RBFOX1: variants seen among roughly 807,000 people sequenced by gnomAD.
RBFOX1 encodes the protein RNA binding protein fox-1 homolog 1.
RBFOX1 carries 8 observed loss-of-function variants against 57.7 expected under a neutral mutation model. The observed-to-expected ratio is 0.14, with a 90% CI of 0.08 to 0.25. The LOEUF (loss-of-function observed/expected upper bound fraction) is 0.25, where lower values mean the gene tolerates loss of function less well. Ranked by LOEUF, RBFOX1 falls within the 10% of genes least tolerant of loss-of-function variation. The pLI is 1.00. For synonymous variants in RBFOX1, 326 were observed against 222.4 expected (o/e 1.47, Z -4.15); for missense variants, 611 against 548.5 (o/e 1.11, Z -1.14).
intron 1 of RBFOX1, among the ~76,000 whole-genome samples, chr16:6,080,684 C>T (rs1009875760): frequency 6.6e-6 from 1 of 152,146 alleles, no homozygotes; most frequent in East Asian, 1.9e-4. Context: ...ATGTACTCTT[C>T]TCTGAATGAA....
intron 4 of RBFOX1, among the ~76,000 whole-genome samples, chr16:7,236,045 C>G (rs1294882220): frequency 2.0e-5 from 3 of 152,170 alleles, no homozygotes; most frequent in Non-Finnish European, 2.9e-5. Flanking sequence ...AATAGTTCCT[C>G]AGATCAAAAA....
chr16:5,674,442 G>C (rs2050107323), intron 3 of RBFOX1, among the ~76,000 whole-genome samples: 1 of 152,186 alleles, frequency 6.6e-6, no homozygotes, highest in Non-Finnish European at 1.5e-5. Context: ...GGTTGATAGT[G>C]ACAGGGCCAG....
intron 3 of RBFOX1, among the ~76,000 whole-genome samples, chr16:5,718,397 G>A (rs532659541): frequency 6.6e-6 from 1 of 152,170 alleles, no homozygotes; most frequent in South Asian, 2.1e-4. Context: ...AATAAATGAG[G>A]GCTGAGTTAA....
chr16:5,354,903 G>C (rs944055831), intron 1 of RBFOX1, among the ~76,000 whole-genome samples: 4 of 152,174 alleles, frequency 2.6e-5, no homozygotes, highest in African/African-American at 9.7e-5. Flanking sequence ...TTCTTGGAGA[G>C]GTCTTATCTG....
chr16:7,628,757 C>T (rs542302072), intron 10 of RBFOX1, among the ~76,000 whole-genome samples: 4 of 152,062 alleles, frequency 2.6e-5, no homozygotes, highest in South Asian at 2.1e-4. Context: ...GAATTACAGG[C>T]GCCTGCCACC....
chr16:6,394,401 A>G (rs2152939102), intron 2 of RBFOX1, among the ~76,000 whole-genome samples: 1 of 152,328 alleles, frequency 6.6e-6, no homozygotes, highest in East Asian at 1.9e-4. Context: ...GAACTAACTG[A>G]ACTGAATTAC....
intron 1 of RBFOX1, among the ~76,000 whole-genome samples, chr16:6,272,068 C>T (rs1199789694): frequency 6.6e-6 from 1 of 152,046 alleles, no homozygotes; most frequent in African/African-American, 2.4e-5. Context: ...AAATAGAATT[C>T]AACAATATAT....
At chr16:5,661,387 A>G (rs571251605) in intron 3 of RBFOX1, among the ~76,000 whole-genome samples, 1 of 152,326 alleles carries the variant, frequency 6.6e-6, no homozygotes, top group East Asian at 1.9e-4. Context: ...TATATAAGCC[A>G]CAGTAAGTTG....
chr16:7,475,909 T>C (rs373662718), intron 4 of RBFOX1, among the ~76,000 whole-genome samples: 3 of 152,232 alleles, frequency 2.0e-5, no homozygotes, highest in East Asian at 3.8e-4. Context: ...GTTCACATCA[T>C]GTCTGGCAGT....
chr16:7,711,018 G>A lies in RBFOX1; in HGVS notation c.*273G>A, dbSNP rs921728125. On this transcript the variant is annotated 3_prime_UTR_variant, in exon 16 of 16. Coordinates refer to ENST00000550418, the MANE Select transcript of RBFOX1 (RefSeq NM_018723.4). ...TTGATCTAGACAGATGCTAGATAAT[G>A]AATAAAAACTGGTTTAGGGCCATAT... The A allele has an allele frequency of 6.2e-6, 2 of 320,020 alleles. No homozygotes were observed. Among genetic ancestry groups the A allele is most frequent in the South Asian group, 1.2e-4 (1 of 8,380 alleles). The allele number at this position is 320,020 out of a possible 1,614,324, so 19.8% of individuals were successfully genotyped here. A position where few individuals can be genotyped will look rare whatever the true frequency, so the allele number is the denominator to read the frequency against.
chr16:5,373,454 C>G (rs1448925104), intron 1 of RBFOX1, among the ~76,000 whole-genome samples: 2 of 151,946 alleles, frequency 1.3e-5, no homozygotes, highest in East Asian at 3.9e-4. Context: ...GTGTGTAGCA[C>G]CTCTCCCTTC....
chr16:5,534,589 C>T (rs181203864), intron 2 of RBFOX1, among the ~76,000 whole-genome samples: 1 of 152,302 alleles, frequency 6.6e-6, no homozygotes, highest in African/African-American at 2.4e-5. Flanking sequence ...AGCCACACGA[C>T]TCAGCAAGCC....
chr16:7,350,939 T>C (rs983602924), intron 4 of RBFOX1, among the ~76,000 whole-genome samples: 1 of 152,244 alleles, frequency 6.6e-6, no homozygotes, highest in Non-Finnish European at 1.5e-5. Flanking sequence ...CATGCAAACC[T>C]GCCTGAGCAT....
At chr16:5,511,623 G>A (rs1311617472) in intron 2 of RBFOX1, among the ~76,000 whole-genome samples, 1 of 152,006 alleles carries the variant, frequency 6.6e-6, no homozygotes, top group African/African-American at 2.4e-5. Context: ...AACTTTTTGA[G>A]TAGGTTCCAG....
chr16:5,992,787 A>G (rs2060423245), intron 4 of RBFOX1, among the ~76,000 whole-genome samples: 1 of 152,144 alleles, frequency 6.6e-6, no homozygotes, highest in African/African-American at 2.4e-5. Flanking sequence ...TACAAAAATT[A>G]GCTGGGCATG....
At chr16:5,306,227 G>T (rs2063929394) in intron 1 of RBFOX1, among the ~76,000 whole-genome samples, 1 of 152,134 alleles carries the variant, frequency 6.6e-6, no homozygotes, top group Admixed American at 6.5e-5. Context: ...AAAGATAATG[G>T]TGAGTAAAGA....
At position 6,164,644 on chromosome 16, in the gene RBFOX1, G is replaced by T. The variant is rs941830107; in HGVS notation, c.-127+144652G>T. ...ACCACACCTGGTAAATTTTTGTTTT[G>T]TTTTGTTTTTTTTTAGTAGAAATGG... On this transcript the variant is annotated intron_variant, in intron 1 of 15. Transcript: ENST00000550418. Among the ~76,000 whole-genome samples the T allele has an allele frequency of 6.7e-5, 10 of 150,268 alleles. No homozygotes were observed. In the Middle Eastern group the frequency reaches 0.01, roughly 153 times the overall value.
At chr16:6,542,417 A>G (rs1422259678) in intron 2 of RBFOX1, among the ~76,000 whole-genome samples, 1 of 150,030 alleles carries the variant, frequency 6.7e-6, no homozygotes, top group African/African-American at 2.5e-5. Context: ...GAGCTCAACA[A>G]CTGCAGCTAA....
At chr16:5,570,258 G>C (rs1285456042) in intron 2 of RBFOX1, among the ~76,000 whole-genome samples, 4 of 152,050 alleles carry the variant, frequency 2.6e-5, no homozygotes, top group Non-Finnish European at 5.9e-5. Context: ...TGTACTGGAA[G>C]GTATGGGTTC....
Sources: allele counts gnomAD v4.1 joint callset (sites outside exome capture counted in the v4.1 genomes callset), GRCh38; gene constraint gnomAD v4.1.1; transcripts MANE v1.5; gene names NCBI Gene and HGNC (gene_info 2026-07-23, HGNC 2026-07-21).